The following PPL variants were observed in gnomAD, a reference collection of about 807,000 sequenced individuals.
PPL encodes periplakin.
Under a neutral mutation model 194.4 loss-of-function variants are expected in PPL, and 198 were observed. The ratio of observed to expected loss-of-function variants is 1.02; its 90% CI spans 0.91 to 1.15. The LOEUF is 1.15. Ranked by LOEUF, PPL falls within the 50% of genes most tolerant of loss-of-function variation. PPL has a pLI of 0.00. For missense variants in PPL, 2,885 were observed against 2,294.8 expected (o/e 1.26, Z -5.25); for synonymous variants, 1,220 against 972.4 (o/e 1.25, Z -4.74).
intron 1 of PPL, among the ~76,000 whole-genome samples, chr16:4,932,619 T>A (rs1204345384): frequency 6.6e-6 from 1 of 152,210 alleles, no homozygotes; most frequent in East Asian, 1.9e-4. Flanking sequence ...GATTTCACCA[T>A]GTTGGCCAGG....
Position 4,889,024 on chromosome 16 carries a change from A to G in PPL, c.2351T>C (p.Val784Ala), listed in dbSNP as rs745489221. 8 of 1,613,628 alleles carry G rather than the reference A, an allele frequency of 5.0e-6. No homozygotes were observed. The highest frequency in any genetic ancestry group is 1.7e-5 in the Admixed American group (1 of 59,984). ...CTGGGAATTGGCACAGATCTTCTGTACTTCCTGCTCCCTACTTGCTATCTC... is the reference window on the plus strand; with the variant it reads ...CTGGGAATTGGCACAGATCTTCTGTGCTTCCTGCTCCCTACTTGCTATCTC... ...LDEIASREQE[V>A]QKICANSQQY... Residue 784 changes from valine (V) to alanine (A), a missense_variant, in exon 19 of 22, where the codon GTA becomes GCA. Coordinates refer to ENST00000345988, the MANE Select transcript of PPL (RefSeq NM_002705.5).
rs74003559 is a variant in PPL at position 4,897,629 on chromosome 16, G to A, written c.972+46C>T. ...CAGGTAGGCACTGAGCGCTCTCAGA[G>A]AGTAGCACCCCCGGTGCTGGGGGGA... On this transcript the variant is annotated intron_variant, in intron 9 of 21. Transcript: ENST00000345988. The A allele has an allele frequency of 3.8e-4, 564 of 1,488,812 alleles. 2 individuals carry two copies. In the African/African-American group the frequency reaches 6.6e-3, roughly 17 times the overall value. 92.2% of individuals were successfully genotyped at this position (1,488,812 alleles called of 1,614,324 possible).
At chr16:4,888,941 T>C in intron 19 of PPL, 37 bp downstream of exon 19, 1 of 1,593,142 alleles carries the variant, frequency 6.3e-7, no homozygotes, top group Admixed American at 1.7e-5. Context: ...ATAAGACCCC[T>C]GCTGTTTGTG....
chr16:4,895,125 G>C lies in PPL; in HGVS notation c.1242+136C>G, dbSNP rs1361826084. ...TAGGGGTGCCAGTTGGCCTGCACCAGGGGAAGGGTTGGCAGAGTGACACCA... is the reference window on the plus strand; with the variant it reads ...TAGGGGTGCCAGTTGGCCTGCACCACGGGAAGGGTTGGCAGAGTGACACCA... On this transcript the variant is annotated intron_variant, in intron 11 of 21. Coordinates refer to ENST00000345988, the MANE Select transcript of PPL (RefSeq NM_002705.5). 4.3e-6 allele frequency: 5 copies of C among 1,170,510 alleles called. No individual in the cohort carries two copies. The African/African-American group carries it at 7.8e-5, about 18-fold the overall frequency. The allele number at this position is 1,170,510 out of a possible 1,614,324, so 72.5% of individuals were successfully genotyped here.
At chr16:4,897,843 T>C (rs149067770) in intron 8 of PPL, 73 bp from the exon 9 acceptor site, 24 of 1,287,700 alleles carry the variant, frequency 1.9e-5, no homozygotes, top group African/African-American at 1.0e-4. Context: ...TGCTGGGATA[T>C]TGGGCTGGGG....
At chr16:4,895,523 G>A (rs1222843008) in intron 10 of PPL, 71 bp downstream of exon 10, 2 of 1,610,230 alleles carry the variant, frequency 1.2e-6, no homozygotes, top group East Asian at 2.2e-5. Flanking sequence ...CCTGTACAGG[G>A]CTGAGGGCAG....
intron 1 of PPL, among the ~76,000 whole-genome samples, chr16:4,936,643 G>T (rs1190279177): frequency 3.3e-5 from 5 of 152,188 alleles, no homozygotes; most frequent in African/African-American, 1.2e-4. Context: ...GGTCCTGTGC[G>T]ACCCTCTGCG....
intron 1 of PPL, among the ~76,000 whole-genome samples, chr16:4,911,210 A>G (rs560252100): frequency 4.3e-5 from 6 of 139,908 alleles, no homozygotes; most frequent in Admixed American, 7.9e-5. Flanking sequence ...CACCCAGGCT[A>G]AAGTGCAGTG....
At chr16:4,905,163 G>A (rs964230997) in intron 2 of PPL, among the ~76,000 whole-genome samples, 1 of 152,106 alleles carries the variant, frequency 6.6e-6, no homozygotes, top group Admixed American at 6.6e-5. Flanking sequence ...GCCGGCCGCC[G>A]GTCCCTTCCC....
intron 1 of PPL, among the ~76,000 whole-genome samples, chr16:4,924,207 T>G (rs1285930212): frequency 6.6e-6 from 1 of 152,150 alleles, no homozygotes; most frequent in Non-Finnish European, 1.5e-5. Context: ...ATGAGCGAAT[T>G]TTTTTCTATT....
chr16:4,914,743 C>T (rs1056888215), intron 1 of PPL, among the ~76,000 whole-genome samples: 3 of 152,204 alleles, frequency 2.0e-5, no homozygotes, highest in South Asian at 2.1e-4. Context: ...CAGTGTTTGG[C>T]GGGGTGGCCA....
At chr16:4,894,992 C>T (rs2088393751) in intron 11 of PPL, among the ~76,000 whole-genome samples, 3 of 152,314 alleles carry the variant, frequency 2.0e-5, no homozygotes, top group South Asian at 4.1e-4. Context: ...AGGATGGACA[C>T]GTGACTCACA....
At chr16:4,932,265 GC>G (rs1001827493) in intron 1 of PPL, among the ~76,000 whole-genome samples, 6 of 95,058 alleles carry the variant, frequency 6.3e-5, no homozygotes, top group Non-Finnish European at 1.4e-4. Flanking sequence ...CTGAGAAATG[GC>G]GGGGCGGCTC....
chr16:4,936,332 C>A (rs746755830), intron 1 of PPL, among the ~76,000 whole-genome samples: 1 of 152,138 alleles, frequency 6.6e-6, no homozygotes, highest in South Asian at 2.1e-4. Context: ...TCCCCCTGTG[C>A]CCCTCGACCC....
chr16:4,928,768 T>C (rs1256525258), intron 1 of PPL, among the ~76,000 whole-genome samples: 1 of 152,104 alleles, frequency 6.6e-6, no homozygotes, highest in Admixed American at 6.5e-5. Flanking sequence ...CCCAGCACTT[T>C]AGGAAGCCGA....
intron 1 of PPL, among the ~76,000 whole-genome samples, chr16:4,935,612 C>T (rs1377537852): frequency 6.6e-6 from 1 of 152,124 alleles, no homozygotes; most frequent in Non-Finnish European, 1.5e-5. Flanking sequence ...CGGGTAATGC[C>T]TCTGAGCTTG....
intron 2 of PPL, among the ~76,000 whole-genome samples, chr16:4,909,425 T>A (rs1340380497): frequency 1.2e-5 from 1 of 85,052 alleles, no homozygotes. Flanking sequence ...TGGTCCCACC[T>A]TTTTTTTTTT....
rs572270009 is a variant in PPL, at chr16:4,895,176, G to A, written c.1242+85C>T. 6.3e-5 allele frequency: 92 copies of A among 1,448,956 alleles called. No individual in the cohort carries two copies. In the African/African-American group the frequency reaches 1.2e-3, roughly 18 times the overall value. The allele number at this position is 1,448,956 out of a possible 1,614,324, so 89.8% of individuals were successfully genotyped here. ...ACCACGGAGACAGGCACAGGCTCCTGAGAACGGCGCCTGAGGCCCGGGATC... is the reference window on the plus strand; with the variant it reads ...ACCACGGAGACAGGCACAGGCTCCTAAGAACGGCGCCTGAGGCCCGGGATC... On this transcript the variant is annotated intron_variant, in intron 11 of 21. Coordinates refer to ENST00000345988, the MANE Select transcript of PPL (RefSeq NM_002705.5).
At chr16:4,901,351 G>C (rs1444231763) in intron 4 of PPL, among the ~76,000 whole-genome samples, 1 of 152,204 alleles carries the variant, frequency 6.6e-6, no homozygotes, top group South Asian at 2.1e-4. Context: ...CAGAGGCTGA[G>C]GCTGAATGAG....
Sources: allele counts gnomAD v4.1 joint callset (sites outside exome capture counted in the v4.1 genomes callset), GRCh38; gene constraint gnomAD v4.1.1; transcripts MANE v1.5; gene names NCBI Gene and HGNC (gene_info 2026-07-23, HGNC 2026-07-21).